The following CCBE1 variants were observed in gnomAD, a reference collection of about 807,000 sequenced individuals.
CCBE1 encodes collagen and calcium binding EGF domains 1, also known as collagen and calcium-binding EGF domain-containing protein 1.
CCBE1 carries 37 observed loss-of-function variants against 50.0 expected under a neutral mutation model. That is an observed-to-expected ratio of 0.74 (90% CI 0.57 to 0.97). The LOEUF (loss-of-function observed/expected upper bound fraction) is 0.97, where lower values mean the gene tolerates loss of function less well. Among genes scored for constraint, CCBE1 ranks in the 50% least tolerant of loss-of-function variants. The probability of loss-of-function intolerance (pLI) is 0.00; values close to 1 mark genes in which losing one functional copy is unlikely to be tolerated. For synonymous variants in CCBE1, 234 were observed against 203.7 expected, an observed-to-expected ratio of 1.15 and a Z score of -1.27; for missense variants, 538 against 523.8, an observed-to-expected ratio of 1.03 and a Z score of -0.26.
intron 2 of CCBE1, among the ~76,000 whole-genome samples, chr18:59,676,373 C>A (rs1420044775): frequency 6.6e-6 from 1 of 152,186 alleles, no homozygotes; most frequent in Non-Finnish European, 1.5e-5. Context: ...GTCTATGGCT[C>A]TTTATGTTGT....
intron 7 of CCBE1, among the ~76,000 whole-genome samples, chr18:59,446,089 G>C (rs761034497): frequency 3.3e-5 from 5 of 152,212 alleles, no homozygotes; most frequent in Non-Finnish European, 5.9e-5. Context: ...AGTTAAGAGA[G>C]AGAAGGAAAT....
intron 2 of CCBE1, among the ~76,000 whole-genome samples, chr18:59,682,879 A>G (rs2054609756): frequency 6.6e-6 from 1 of 152,242 alleles, no homozygotes; most frequent in African/African-American, 2.4e-5. Context: ...CAAGGTAAAT[A>G]AAGTCTTAAA....
At position 59,556,969 on chromosome 18, in the gene CCBE1, C is replaced by G. The variant is rs146748839; in HGVS notation, c.213-76731G>C. ...CATGTTTCACATTAGTGCTGGCCAC[C>G]AGGGGTATCTTGTGTGTGATTTGGA... On this transcript the variant is annotated intron_variant, in intron 2 of 10. Transcript: ENST00000439986. Among the ~76,000 whole-genome samples the G allele has an allele frequency of 6.7e-5, 8 of 119,030 alleles. No individual in the cohort carries two copies. In the East Asian group the frequency reaches 1.9e-3, roughly 28 times the overall value. 78.1% of individuals were successfully genotyped at this position (119,030 alleles called of 152,430 possible).
chr18:59,497,213 G>T (rs992959780), intron 2 of CCBE1, among the ~76,000 whole-genome samples: 1 of 152,060 alleles, frequency 6.6e-6, no homozygotes, highest in African/African-American at 2.4e-5. Context: ...TAATAGTTAC[G>T]ATGAAGCTCT....
At chr18:59,645,312 T>C (rs1357072778) in intron 2 of CCBE1, among the ~76,000 whole-genome samples, 1 of 152,234 alleles carries the variant, frequency 6.6e-6, no homozygotes, top group African/African-American at 2.4e-5. Flanking sequence ...AGTCCACACA[T>C]GACTTCTGAA....
intron 2 of CCBE1, among the ~76,000 whole-genome samples, chr18:59,620,817 T>C (rs2053701598): frequency 6.6e-6 from 1 of 152,184 alleles, no homozygotes. Context: ...ACCTCTTCTG[T>C]AAATTGCCCA....
Position 59,569,694 on chromosome 18 carries a change from A to C in CCBE1, c.213-89456T>G, listed in dbSNP as rs142941598. Among the ~76,000 whole-genome samples the C allele has an allele frequency of 2.0e-3, 298 of 151,138 alleles. 4 individuals carry two copies. The East Asian group carries it at 0.03, about 15-fold the overall frequency. ...GGCTCAGGATAGAGTACAGCAGCAC[A>C]ATCAATCATAGCCTACTGCAGCTTC... On this transcript the variant is annotated intron_variant, in intron 2 of 10. Coordinates refer to ENST00000439986, the MANE Select transcript of CCBE1 (RefSeq NM_133459.4).
intron 2 of CCBE1, among the ~76,000 whole-genome samples, chr18:59,527,245 A>G (rs1424643413): frequency 6.6e-6 from 1 of 152,178 alleles, no homozygotes; most frequent in Admixed American, 6.5e-5. Context: ...CTTTACCATT[A>G]TGTAATGCCC....
At chr18:59,692,094 C>T (rs1019608555) in intron 2 of CCBE1, among the ~76,000 whole-genome samples, 8 of 152,156 alleles carry the variant, frequency 5.3e-5, no homozygotes, top group East Asian at 1.9e-4. Context: ...CATCTGCAAA[C>T]GAGTGATGTT....
At chr18:59,583,658 TG>T (rs1568218354) in intron 2 of CCBE1, among the ~76,000 whole-genome samples, 1 of 115,016 alleles carries the variant, frequency 8.7e-6, no homozygotes, top group Admixed American at 8.5e-5. Flanking sequence ...GCTTTGCGTG[TG>T]TGTGTGTGTG....
chr18:59,467,132 C>A (rs1911789664), intron 4 of CCBE1, among the ~76,000 whole-genome samples: 1 of 152,352 alleles, frequency 6.6e-6, no homozygotes, highest in Middle Eastern at 3.4e-3. Context: ...TGTGGCTCTG[C>A]CACTCGCAAG....
At chr18:59,620,898 T>A (rs1028244408) in intron 2 of CCBE1, among the ~76,000 whole-genome samples, 1 of 152,170 alleles carries the variant, frequency 6.6e-6, no homozygotes, top group African/African-American at 2.4e-5. Context: ...GAGTTTCCAA[T>A]AATAACATCC....
intron 3 of CCBE1, among the ~76,000 whole-genome samples, chr18:59,472,928 T>C (rs1325450870): frequency 6.6e-6 from 1 of 152,170 alleles, no homozygotes; most frequent in Non-Finnish European, 1.5e-5. Context: ...GGAACTCTCA[T>C]TTATAAAACC....
At chr18:59,536,512 T>C (rs1212575930) in intron 2 of CCBE1, among the ~76,000 whole-genome samples, 1 of 152,206 alleles carries the variant, frequency 6.6e-6, no homozygotes, top group Admixed American at 6.5e-5. Flanking sequence ...GAGAAGGTTG[T>C]CTTGGGCTGG....
chr18:59,448,991 G>A (rs1910808100), intron 6 of CCBE1, among the ~76,000 whole-genome samples: 1 of 152,208 alleles, frequency 6.6e-6, no homozygotes, highest in African/African-American at 2.4e-5. Context: ...TCTTCCCTCA[G>A]TGAGTGAGGG....
intron 3 of CCBE1, among the ~76,000 whole-genome samples, chr18:59,476,025 C>A (rs1277732634): frequency 6.6e-6 from 1 of 152,112 alleles, no homozygotes; most frequent in Non-Finnish European, 1.5e-5. Context: ...GCTACTCTTC[C>A]ACATTTACTG....
At position 59,547,275 on chromosome 18, in the gene CCBE1, G is replaced by A. The variant is rs144688694; in HGVS notation, c.213-67037C>T. Among the ~76,000 whole-genome samples, 448 of 152,178 alleles carry A rather than the reference G, an allele frequency of 2.9e-3. 3 individuals are homozygous for A. Among genetic ancestry groups the A allele is most frequent in the African/African-American group, 0.01 (422 of 41,492 alleles). On this transcript the variant is annotated intron_variant, in intron 2 of 10. Transcript: ENST00000439986. Reference sequence around the variant, plus strand: ...AGGGGAGGGTTATCTGAGGGGAGCAGGGAGGTGGAAAAAATAAGACAGAGC... The same window carrying A: ...AGGGGAGGGTTATCTGAGGGGAGCAAGGAGGTGGAAAAAATAAGACAGAGC...
intron 2 of CCBE1, among the ~76,000 whole-genome samples, chr18:59,561,880 G>C (rs1220269881): frequency 6.6e-6 from 1 of 152,170 alleles, no homozygotes; most frequent in Non-Finnish European, 1.5e-5. Flanking sequence ...CTCCTGCTGA[G>C]AAAGCTACTT....
At chr18:59,636,422 T>A (rs914950282) in intron 2 of CCBE1, among the ~76,000 whole-genome samples, 4 of 152,188 alleles carry the variant, frequency 2.6e-5, no homozygotes, top group African/African-American at 9.6e-5. Context: ...TTTGAAGTTG[T>A]CCCAGATCTA....
Sources: allele counts gnomAD v4.1 joint callset (sites outside exome capture counted in the v4.1 genomes callset), GRCh38; gene constraint gnomAD v4.1.1; transcripts MANE v1.5; gene names NCBI Gene and HGNC (gene_info 2026-07-23, HGNC 2026-07-21).